Variants in COL6A5 observed in about 807,000 individuals in gnomAD.
The protein encoded by COL6A5 is collagen type VI alpha 5 chain.
COL6A5 carries 48 observed loss-of-function variants against 65.6 expected under a neutral mutation model. That is an observed-to-expected ratio of 0.73 (90% CI 0.58 to 0.93). The LOEUF (loss-of-function observed/expected upper bound fraction) is 0.93. COL6A5 is among the 40% of genes least tolerant of loss of function. The probability of loss-of-function intolerance (pLI) is 0.00; values close to 1 mark genes in which losing one functional copy is unlikely to be tolerated. For missense variants in COL6A5, 914 were observed against 928.3 expected, an observed-to-expected ratio of 0.98 and a Z score of 0.20; for synonymous variants, 291 against 322.8, an observed-to-expected ratio of 0.90 and a Z score of 1.05.
At chr3:130,402,089 G>T (rs538557839) in intron 12 of COL6A5, among the ~76,000 whole-genome samples, 1 of 152,124 alleles carries the variant, frequency 6.6e-6, no homozygotes. Flanking sequence ...TCTTGGTTTT[G>T]CAATTTATAC....
intron 1 of COL6A5, among the ~76,000 whole-genome samples, chr3:130,433,219 C>T (rs1490722714): frequency 6.6e-6 from 1 of 152,050 alleles, no homozygotes; most frequent in Non-Finnish European, 1.5e-5. Context: ...TGAAATTTTT[C>T]TGCCTCCTTA....
intron 14 of COL6A5, 46 bp downstream of exon 14, chr3:130,405,705 T>C: frequency 7.2e-7 from 1 of 1,392,238 alleles, no homozygotes; most frequent in East Asian, 2.5e-5. Flanking sequence ...TGTAACATTC[T>C]CTCCCTCTCT....
intron 3 of COL6A5, among the ~76,000 whole-genome samples, chr3:130,442,298 C>T (rs2107704560): frequency 6.6e-6 from 1 of 152,244 alleles, no homozygotes; most frequent in South Asian, 2.1e-4. Context: ...CAGGTTAAGG[C>T]ACTCCTAAAA....
intron 1 of COL6A5, among the ~76,000 whole-genome samples, chr3:130,364,951 C>T (rs760892722): frequency 6.6e-6 from 1 of 152,174 alleles, no homozygotes; most frequent in African/African-American, 2.4e-5. Flanking sequence ...CCTGAAAAGT[C>T]GAGGGATTGA....
At chr3:130,441,709 A>G (rs1478631817) in intron 3 of COL6A5, among the ~76,000 whole-genome samples, 8 of 152,166 alleles carry the variant, frequency 5.3e-5, no homozygotes, top group Non-Finnish European at 1.2e-4. Context: ...TGACAGTCAC[A>G]ACTTGGGGAT....
At chr3:130,409,327 G>T in exon 18 of COL6A5, 3 of 1,538,222 alleles carry the variant, frequency 2.0e-6, no homozygotes, top group Non-Finnish European at 2.6e-6. Flanking sequence ...TTTTTTCAGG[G>T]CAGCCCAGGT....
upstream of COL6A5, among the ~76,000 whole-genome samples, chr3:130,429,070 C>T (rs11927775): frequency 1.8e-4 from 27 of 152,054 alleles, no homozygotes; most frequent in South Asian, 5.4e-3. Flanking sequence ...GGAGATCACT[C>T]AAACAGAGGA....
At chr3:130,396,330 A>G (rs1459089180) in intron 8 of COL6A5, among the ~76,000 whole-genome samples, 1 of 152,190 alleles carries the variant, frequency 6.6e-6, no homozygotes, top group Non-Finnish European at 1.5e-5. Flanking sequence ...AGTCTTTCCA[A>G]ACTCTCCACA....
chr3:130,443,642 A>G, intron 4 of COL6A5, 76 bp downstream of exon 36: 2 of 862,962 alleles, frequency 2.3e-6, no homozygotes, highest in Non-Finnish European at 3.8e-6. Context: ...ATAACACTTT[A>G]TTAGGCTGAT....
intron 1 of COL6A5, among the ~76,000 whole-genome samples, chr3:130,352,580 A>G (rs1239747881): frequency 6.6e-6 from 1 of 152,180 alleles, no homozygotes; most frequent in African/African-American, 2.4e-5. Context: ...TTATCACTTC[A>G]TTCATGATCA....
chr3:130,432,514 ACACTC>A (rs1168144601), intron 1 of COL6A5, among the ~76,000 whole-genome samples: 1 of 150,932 alleles, frequency 6.6e-6, no homozygotes, highest in Non-Finnish European at 1.5e-5. Flanking sequence ...TGGCGCCACT[ACACTC>A]CAGCCTGGCA....
At chr3:130,447,694 T>C (rs1237414415) in intron 4 of COL6A5, among the ~76,000 whole-genome samples, 1 of 152,200 alleles carries the variant, frequency 6.6e-6, no homozygotes, top group South Asian at 2.1e-4. Flanking sequence ...TTTAGTGGCA[T>C]GTACAACATA....
At chr3:130,416,818 A>T (rs1483691181) in exon 24 of COL6A5, 1 of 1,486,018 alleles carries the variant, frequency 6.7e-7, no homozygotes, top group East Asian at 2.5e-5. Context: ...TTGGGGAAAA[A>T]AGTAGATATT....
intron 5 of COL6A5, among the ~76,000 whole-genome samples, chr3:130,463,941 G>A (rs559189115): frequency 2.6e-5 from 4 of 152,014 alleles, no homozygotes; most frequent in African/African-American, 7.2e-5. Context: ...TAGACATTTT[G>A]TAGATGAAAT....
upstream of COL6A5, chr3:130,431,329 T>C (rs1025384714): frequency 2.3e-5 from 22 of 949,574 alleles, no homozygotes; most frequent in African/African-American, 3.2e-4. Context: ...TCTTTGCACA[T>C]GGGTACCTTT....
intron 2 of COL6A5, among the ~76,000 whole-genome samples, chr3:130,374,522 C>T (rs889821290): frequency 3.3e-5 from 5 of 152,068 alleles, no homozygotes; most frequent in African/African-American, 4.8e-5. Context: ...GATGCAGTCT[C>T]GGCTCACCAC....
intron 13 of COL6A5, among the ~76,000 whole-genome samples, chr3:130,404,377 T>A (rs1936916655): frequency 6.6e-6 from 1 of 152,064 alleles, no homozygotes; most frequent in Admixed American, 6.5e-5. Context: ...GGCAGGAAGT[T>A]TTAAGGATTG....
At chr3:130,380,091 T>C (rs1042715801) in intron 4 of COL6A5, 41 bp downstream of exon 4, 7 of 1,368,986 alleles carry the variant, frequency 5.1e-6, no homozygotes, top group Non-Finnish European at 3.9e-6. Context: ...AAAATTAATA[T>C]AAGTGGTTAC....
chr3:130,351,389 G>A (rs1224955633), intron 1 of COL6A5, among the ~76,000 whole-genome samples: 1 of 152,086 alleles, frequency 6.6e-6, no homozygotes, highest in Admixed American at 6.5e-5. Context: ...CTACAAAATG[G>A]GAGAGAATTT....
Sources: gnomAD v4.1 joint callset for allele counts (sites outside exome capture counted in the v4.1 genomes callset) on GRCh38, gnomAD v4.1.1 for gene constraint, MANE v1.5 for transcripts, NCBI Gene and HGNC (gene_info 2026-07-23, HGNC 2026-07-21) for gene names.